NEGR1: variants seen among roughly 807,000 people sequenced by gnomAD.
NEGR1 encodes neuronal growth regulator 1.
A neutral mutation model predicts 40.9 loss-of-function variants in NEGR1; 10 were observed. The ratio of observed to expected loss-of-function variants is 0.24; its 90% CI spans 0.15 to 0.42. The LOEUF (loss-of-function observed/expected upper bound fraction) is 0.42, where lower values mean the gene tolerates loss of function less well. Ranked by LOEUF, NEGR1 falls within the 10% of genes least tolerant of loss-of-function variation. NEGR1 has a pLI of 1.00. For missense variants in NEGR1, 352 were observed against 438.9 expected (o/e 0.80, Z 1.77); for synonymous variants, 185 against 166.8 (o/e 1.11, Z -0.84).
intron 1 of NEGR1, among the ~76,000 whole-genome samples, chr1:72,211,108 C>T (rs556228802): frequency 9.5e-4 from 144 of 151,786 alleles, no homozygotes; most frequent in Non-Finnish European, 1.4e-3. Flanking sequence ...TATTGACATG[C>T]TCATCCTCTT....
intron 6 of NEGR1, among the ~76,000 whole-genome samples, chr1:71,447,544 T>C (rs1295174810): frequency 6.6e-6 from 1 of 152,172 alleles, no homozygotes; most frequent in Admixed American, 6.5e-5. Flanking sequence ...GCACCTAGAG[T>C]GACTTTACCC....
intron 3 of NEGR1, among the ~76,000 whole-genome samples, chr1:71,715,668 A>T (rs368655305): frequency 6.6e-6 from 1 of 152,162 alleles, no homozygotes; most frequent in Non-Finnish European, 1.5e-5. Flanking sequence ...GCAGGGGGAA[A>T]ATGTCACCAG....
At chr1:71,458,024 G>A (rs1172539576) in intron 6 of NEGR1, among the ~76,000 whole-genome samples, 1 of 152,102 alleles carries the variant, frequency 6.6e-6, no homozygotes, top group African/African-American at 2.4e-5. Flanking sequence ...TTATAAGAAA[G>A]GTAAGGCTCA....
intron 1 of NEGR1, among the ~76,000 whole-genome samples, chr1:72,147,433 T>G (rs921323248): frequency 1.3e-5 from 2 of 152,078 alleles, no homozygotes; most frequent in Non-Finnish European, 2.9e-5. Context: ...CCAGCCCCCA[T>G]GATTCAACTA....
chr1:71,901,926 C>G (rs907729172), intron 2 of NEGR1, among the ~76,000 whole-genome samples: 3 of 152,042 alleles, frequency 2.0e-5, no homozygotes, highest in Non-Finnish European at 4.4e-5. Flanking sequence ...ACCTCGACCT[C>G]CCAAAATGCT....
In NEGR1 at chr1:71,490,283, T is replaced by C. The variant is rs150686592; in HGVS notation, c.941-82713A>G. On this transcript the variant is annotated intron_variant, in intron 6 of 6. Coordinates refer to ENST00000357731, the MANE Select transcript of NEGR1 (RefSeq NM_173808.3). ...TTTTGAAATACAAATTTAGAACTAA[T>C]ATGCATTTGGTACCCACCTCACTGA... is the stretch of plus-strand genomic sequence containing the variant. 9.9e-3 allele frequency among the ~76,000 whole-genome samples: 1,507 copies of C among 152,148 alleles called. 19 individuals carry two copies. Among genetic ancestry groups the C allele is most frequent in the South Asian group, 0.029 (138 of 4,832 alleles).
intron 6 of NEGR1, among the ~76,000 whole-genome samples, chr1:71,512,302 A>G (rs1010252288): frequency 1.3e-5 from 2 of 152,156 alleles, no homozygotes; most frequent in African/African-American, 2.4e-5. Flanking sequence ...TAAAAAAAAA[A>G]TAACATAATG....
At chr1:71,689,049 A>G (rs906249538) in intron 4 of NEGR1, among the ~76,000 whole-genome samples, 2 of 152,166 alleles carry the variant, frequency 1.3e-5, no homozygotes, top group African/African-American at 4.8e-5. Context: ...GCATAAACAG[A>G]ATTTCTCCTT....
intron 1 of NEGR1, among the ~76,000 whole-genome samples, chr1:72,101,538 C>G (rs770665656): frequency 6.6e-6 from 1 of 152,042 alleles, no homozygotes; most frequent in Admixed American, 6.6e-5. Flanking sequence ...TAATCTCATA[C>G]AGTTTGAATT....
chr1:71,592,449 A>G (rs758181515), intron 6 of NEGR1, among the ~76,000 whole-genome samples: 1 of 152,206 alleles, frequency 6.6e-6, no homozygotes, highest in Non-Finnish European at 1.5e-5. Flanking sequence ...GAGTAAATTC[A>G]AGCCATGTTA....
chr1:71,875,775 T>G (rs1228797001), intron 2 of NEGR1, among the ~76,000 whole-genome samples: 1 of 152,152 alleles, frequency 6.6e-6, no homozygotes, highest in Non-Finnish European at 1.5e-5. Context: ...TAATAAAGAA[T>G]GTACTCAAAT....
chr1:72,051,266 C>G (rs767286331), intron 1 of NEGR1, among the ~76,000 whole-genome samples: 5 of 151,410 alleles, frequency 3.3e-5, no homozygotes, highest in South Asian at 2.1e-4. Flanking sequence ...ATACATATTA[C>G]AATCAAGATT....
chr1:71,509,317 G>A (rs563116183), intron 6 of NEGR1, among the ~76,000 whole-genome samples: 1 of 152,170 alleles, frequency 6.6e-6, no homozygotes, highest in Admixed American at 6.5e-5. Flanking sequence ...TTCCCACATT[G>A]CAGAGGTCAG....
chr1:71,913,463 C>T (rs1004874491), intron 2 of NEGR1, among the ~76,000 whole-genome samples: 7 of 152,110 alleles, frequency 4.6e-5, no homozygotes, highest in Non-Finnish European at 8.8e-5. Flanking sequence ...TTAATACAAA[C>T]AAGACAAGAA....
intron 1 of NEGR1, among the ~76,000 whole-genome samples, chr1:71,985,456 T>C (rs1395424739): frequency 6.6e-6 from 1 of 152,040 alleles, no homozygotes; most frequent in Non-Finnish European, 1.5e-5. Context: ...AAAACTGGGG[T>C]GTATAAAGGT....
intron 1 of NEGR1, among the ~76,000 whole-genome samples, chr1:71,946,807 A>G (rs1646023739): frequency 6.6e-6 from 1 of 152,042 alleles, no homozygotes; most frequent in Non-Finnish European, 1.5e-5. Context: ...TTATATTTAT[A>G]TATGTATCCC....
chr1:71,855,404 A>G (rs1659729459), intron 2 of NEGR1, among the ~76,000 whole-genome samples: 1 of 151,466 alleles, frequency 6.6e-6, no homozygotes, highest in Non-Finnish European at 1.5e-5. Context: ...CTAGGAGAAA[A>G]GCAGTTGATT....
chr1:71,439,038 T>C (rs1168140290), intron 6 of NEGR1, among the ~76,000 whole-genome samples: 1 of 152,136 alleles, frequency 6.6e-6, no homozygotes, highest in Non-Finnish European at 1.5e-5. Context: ...CAAAATAAAA[T>C]CAAAGCTCCC....
chr1:71,542,721 C>G (rs893145490), intron 6 of NEGR1, among the ~76,000 whole-genome samples: 17 of 151,670 alleles, frequency 1.1e-4, no homozygotes, highest in Non-Finnish European at 2.2e-4. Flanking sequence ...TCAGCAAGAG[C>G]CAAGTGTTTT....
Sources: gnomAD v4.1 joint callset for allele counts (sites outside exome capture counted in the v4.1 genomes callset) on GRCh38, gnomAD v4.1.1 for gene constraint, MANE v1.5 for transcripts, NCBI Gene and HGNC (gene_info 2026-07-23, HGNC 2026-07-21) for gene names.